The following PTBP2 variants were observed in gnomAD, a reference collection of about 807,000 sequenced individuals.
PTBP2 encodes polypyrimidine tract binding protein 2.
In PTBP2, 13 loss-of-function variants were observed where a neutral mutation model predicts 61.4. That is an observed-to-expected ratio of 0.21 (90% CI 0.14 to 0.34). The LOEUF is 0.34. Among genes scored for constraint, PTBP2 ranks in the 10% least tolerant of loss-of-function variants. The pLI is 1.00. For missense variants in PTBP2, 405 were observed against 642.6 expected, an observed-to-expected ratio of 0.63 and a Z score of 4.00; for synonymous variants, 215 against 218.5, an observed-to-expected ratio of 0.98 and a Z score of 0.14.
intron 2 of PTBP2, among the ~76,000 whole-genome samples, chr1:96,738,023 A>G (rs975023213): frequency 1.3e-5 from 2 of 152,194 alleles, no homozygotes; most frequent in African/African-American, 4.8e-5. Flanking sequence ...CAATAAACAC[A>G]GTTCCACTTT....
chr1:96,783,181 CCTTT>C (rs763257019), intron 7 of PTBP2, among the ~76,000 whole-genome samples: 1 of 151,848 alleles, frequency 6.6e-6, no homozygotes, highest in Non-Finnish European at 1.5e-5. Context: ...GATTTTACTC[CCTTT>C]CTTATTTGTG....
intron 5 of PTBP2, among the ~76,000 whole-genome samples, chr1:96,773,110 C>T (rs557436506): frequency 2.5e-5 from 3 of 121,732 alleles, no homozygotes; most frequent in South Asian, 2.6e-4. Context: ...GGTGACAGAG[C>T]GAGACTCTAT....
intron 1 of PTBP2, 92 bp from the exon 2 acceptor site, chr1:96,723,472 G>C: frequency 9.6e-7 from 1 of 1,037,026 alleles, no homozygotes; most frequent in South Asian, 1.9e-5. Flanking sequence ...GAAGATTTAT[G>C]AATGATGGAC....
At chr1:96,764,644 G>A (rs1656445234) in intron 3 of PTBP2, among the ~76,000 whole-genome samples, 1 of 152,120 alleles carries the variant, frequency 6.6e-6, no homozygotes, top group South Asian at 2.1e-4. Flanking sequence ...AACTTTTACA[G>A]ACATATTTTT....
chr1:96,761,662 G>A (rs1219191286), intron 3 of PTBP2, among the ~76,000 whole-genome samples: 1 of 152,074 alleles, frequency 6.6e-6, no homozygotes, highest in Non-Finnish European at 1.5e-5. Context: ...TTAACAAAGG[G>A]GGAAAAGTAG....
chr1:96,763,646 TTAAC>T (rs1012398652), intron 3 of PTBP2, among the ~76,000 whole-genome samples: 1 of 149,836 alleles, frequency 6.7e-6, no homozygotes, highest in Non-Finnish European at 1.5e-5. Flanking sequence ...TTCTGTTTTT[TTAAC>T]TATGCTTTAG....
chr1:96,812,416 T>A lies in PTBP2; in HGVS notation c.1172-296T>A, dbSNP rs1662172361. Among the ~76,000 whole-genome samples, 3 of 152,008 alleles carry A rather than the reference T, an allele frequency of 2.0e-5. No homozygotes were observed. The South Asian group carries it at 6.2e-4, about 31-fold the overall frequency. On this transcript the variant is annotated intron_variant, in intron 11 of 13. Coordinates refer to ENST00000674951, the MANE Select transcript of PTBP2 (RefSeq NM_021190.4). The stretch of plus-strand genomic sequence containing the variant: ...AAGGGAGAAAAAGAGCTAGGGATGC[T>A]TATTAAGTTTCTTTCTTGTGTAGCT...
chr1:96,807,473 T>C (rs990553077), intron 11 of PTBP2, among the ~76,000 whole-genome samples: 1 of 152,234 alleles, frequency 6.6e-6, no homozygotes, highest in Non-Finnish European at 1.5e-5. Flanking sequence ...AAGTAATTGA[T>C]TATTTTAATT....
chr1:96,808,827 G>A (rs887522308), intron 11 of PTBP2, among the ~76,000 whole-genome samples: 4 of 150,470 alleles, frequency 2.7e-5, no homozygotes, highest in Admixed American at 6.6e-5. Flanking sequence ...ACACACACAC[G>A]CATACACTCC....
chr1:96,751,596 T>C, intron 3 of PTBP2, 96 bp downstream of exon 3: 1 of 841,180 alleles, frequency 1.2e-6, no homozygotes, highest in East Asian at 2.6e-5. Flanking sequence ...AAAGCCTTTC[T>C]TTTTAAATGC....
chr1:96,741,901 C>T (rs530104265), intron 2 of PTBP2, among the ~76,000 whole-genome samples: 3 of 152,242 alleles, frequency 2.0e-5, no homozygotes, highest in Non-Finnish European at 2.9e-5. Flanking sequence ...TTCAGGTTTC[C>T]GTATATTCAC....
chr1:96,792,524 A>T (rs1659956621), intron 8 of PTBP2, among the ~76,000 whole-genome samples: 1 of 152,174 alleles, frequency 6.6e-6, no homozygotes, highest in African/African-American at 2.4e-5. Flanking sequence ...TCGTCTTCTC[A>T]CCTGTAGAAT....
chr1:96,794,866 A>G (rs1660208856), intron 8 of PTBP2, among the ~76,000 whole-genome samples: 1 of 152,220 alleles, frequency 6.6e-6, no homozygotes. Context: ...ATGAACATTC[A>G]GTTATGTGTG....
chr1:96,767,108 A>G (rs1570866884), intron 3 of PTBP2, among the ~76,000 whole-genome samples: 1 of 152,102 alleles, frequency 6.6e-6, no homozygotes, highest in Admixed American at 6.5e-5. Context: ...TCTTTTCTAT[A>G]TTTTTTCCAA....
intron 3 of PTBP2, among the ~76,000 whole-genome samples, chr1:96,753,110 G>A (rs2100920606): frequency 6.6e-6 from 1 of 152,260 alleles, no homozygotes; most frequent in East Asian, 1.9e-4. Context: ...ATTTAGTATG[G>A]TCATTTCACT....
chr1:96,811,152 TAAG>T (rs1374946921), intron 11 of PTBP2, among the ~76,000 whole-genome samples: 2 of 151,916 alleles, frequency 1.3e-5, no homozygotes, highest in African/African-American at 4.8e-5. Context: ...ATAGGTAAAA[TAAG>T]AATTTTACTT....
intron 2 of PTBP2, among the ~76,000 whole-genome samples, chr1:96,736,807 G>T (rs1214907887): frequency 6.6e-6 from 1 of 151,950 alleles, no homozygotes; most frequent in African/African-American, 2.4e-5. Flanking sequence ...CTCCCAAGTA[G>T]CTGGGACTAC....
chr1:96,767,637 T>A (rs1656884029), intron 3 of PTBP2, among the ~76,000 whole-genome samples: 2 of 152,140 alleles, frequency 1.3e-5, no homozygotes, highest in African/African-American at 4.8e-5. Context: ...CTGATGCCGA[T>A]TGTTGTGTGT....
chr1:96,799,252 T>C (rs1214719859), intron 8 of PTBP2, among the ~76,000 whole-genome samples: 1 of 151,348 alleles, frequency 6.6e-6, no homozygotes, highest in Non-Finnish European at 1.5e-5. Flanking sequence ...GAAGCTCTTT[T>C]ACATTGTTTT....
Sources: gnomAD v4.1 joint callset for allele counts (sites outside exome capture counted in the v4.1 genomes callset) on GRCh38, gnomAD v4.1.1 for gene constraint, MANE v1.5 for transcripts, NCBI Gene and HGNC (gene_info 2026-07-23, HGNC 2026-07-21) for gene names.